Variants in MAP2K6 observed in about 807,000 individuals in gnomAD.
MAP2K6 encodes the protein dual specificity mitogen-activated protein kinase kinase 6.
In MAP2K6, 16 loss-of-function variants were observed where a neutral mutation model predicts 53.7. The observed-to-expected ratio is 0.30, with a 90% CI of 0.20 to 0.45. The LOEUF (loss-of-function observed/expected upper bound fraction) is 0.45. MAP2K6 is among the 20% of genes least tolerant of loss of function. MAP2K6 has a pLI of 1.00. For synonymous variants in MAP2K6, 132 were observed against 143.1 expected, an observed-to-expected ratio of 0.92 and a Z score of 0.55; for missense variants, 204 against 411.9, an observed-to-expected ratio of 0.50 and a Z score of 4.37.
intron 1 of MAP2K6, among the ~76,000 whole-genome samples, chr17:69,430,364 A>G (rs2145136442): frequency 6.6e-6 from 1 of 152,246 alleles, no homozygotes; most frequent in African/African-American, 2.4e-5. Flanking sequence ...AGAATAAAAT[A>G]GAGAAGCCAA....
intron 1 of MAP2K6, among the ~76,000 whole-genome samples, chr17:69,439,624 C>A (rs1282699555): frequency 3.9e-5 from 6 of 152,186 alleles, no homozygotes; most frequent in Non-Finnish European, 7.3e-5. Flanking sequence ...ATCAAAGGGA[C>A]TTTACTTCTC....
intron 1 of MAP2K6, among the ~76,000 whole-genome samples, chr17:69,474,512 C>T (rs956915180): frequency 1.3e-5 from 2 of 152,194 alleles, no homozygotes; most frequent in African/African-American, 4.8e-5. Flanking sequence ...AATGTAAGAG[C>T]CACACCCAAA....
intron 4 of MAP2K6, among the ~76,000 whole-genome samples, chr17:69,518,628 G>T (rs1436266673): frequency 6.6e-6 from 1 of 152,154 alleles, no homozygotes; most frequent in Non-Finnish European, 1.5e-5. Flanking sequence ...AGGTGACTTG[G>T]ATCCTTTTGC....
rs1456640606 is a variant in MAP2K6 at position 69,502,439 on chromosome 17, G to A, written c.17-3341G>A. On this transcript the variant is annotated intron_variant, in intron 1 of 11. Coordinates refer to ENST00000590474, the MANE Select transcript of MAP2K6 (RefSeq NM_002758.4). ...GCAAGTAAGCGAACTGCAGAGTGTT[G>A]CTGTGTGTGCTTGTGATTTGTATTT... 4.1e-6 allele frequency: 4 copies of A among 985,332 alleles called. No individual in the cohort carries two copies. In the African/African-American group the frequency reaches 7.0e-5, roughly 17 times the overall value. 61.0% of individuals were successfully genotyped at this position (985,332 alleles called of 1,614,324 possible).
At chr17:69,430,529 A>G (rs913508238) in intron 1 of MAP2K6, among the ~76,000 whole-genome samples, 28 of 152,336 alleles carry the variant, frequency 1.8e-4, no homozygotes, top group Admixed American at 1.6e-3. Flanking sequence ...TTGTTCATCT[A>G]GCTATTATGT....
chr17:69,530,764 G>C (rs1045680552), intron 10 of MAP2K6, among the ~76,000 whole-genome samples: 1 of 152,116 alleles, frequency 6.6e-6, no homozygotes, highest in Admixed American at 6.6e-5. Context: ...TAGAGTTTAT[G>C]ACTGGCCTAG....
rs1384299605 is a variant in MAP2K6, at chr17:69,494,339, A to T, written c.17-11441A>T. ...ACGGTAAAACCTCATCTCTACTAAA[A>T]ATACAAAAATTAGCTGGGCATGGTG... On this transcript the variant is annotated intron_variant, in intron 1 of 11. Coordinates refer to ENST00000590474, the MANE Select transcript of MAP2K6 (RefSeq NM_002758.4). This position sits in a 1 kb window ranked among gnomAD's most constrained non-coding sequence, Gnocchi z 4.2. 6.6e-6 allele frequency among the ~76,000 whole-genome samples: 1 copy of T among 152,068 alleles called. No homozygotes were observed. Among genetic ancestry groups the T allele is most frequent in the African/African-American group, 2.4e-5 (1 of 41,384 alleles).
intron 10 of MAP2K6, among the ~76,000 whole-genome samples, chr17:69,534,574 T>C (rs1300224127): frequency 6.6e-6 from 1 of 152,074 alleles, no homozygotes; most frequent in African/African-American, 2.4e-5. Flanking sequence ...TTTTTTTTTT[T>C]TTAATTTTAT....
rs972453529 is a variant in MAP2K6 at position 69,544,170 on chromosome 17, G to A, written c.*2417G>A. 1.3e-5 allele frequency: 2 copies of A among 152,126 alleles called. No individual in the cohort carries two copies. Among genetic ancestry groups the A allele is most frequent in the Admixed American group, 6.6e-5 (1 of 15,262 alleles). The allele number at this position is 152,126 out of a possible 1,614,324, so 9.4% of individuals were successfully genotyped here. A position where few individuals can be genotyped will look rare whatever the true frequency, so the allele number is the denominator to read the frequency against. ...CCATTGCAGAAAGTAACAAAAACAG[G>A]TCCTATTTCTTTCCCTGTCCTCATC... is the stretch of plus-strand genomic sequence containing the variant. On this transcript the variant is annotated 3_prime_UTR_variant, in exon 12 of 12. Coordinates refer to ENST00000590474, the MANE Select transcript of MAP2K6 (RefSeq NM_002758.4).
intron 1 of MAP2K6, among the ~76,000 whole-genome samples, chr17:69,467,907 A>G (rs375443767): frequency 9.2e-5 from 14 of 152,290 alleles, no homozygotes; most frequent in African/African-American, 3.1e-4. Flanking sequence ...CTGGGATTAC[A>G]GGCATGTGCC....
chr17:69,450,762 A>G (rs369041847), intron 1 of MAP2K6, among the ~76,000 whole-genome samples: 1 of 151,370 alleles, frequency 6.6e-6, no homozygotes, highest in Non-Finnish European at 1.5e-5. Context: ...TTTGCCAGTT[A>G]CTAAAAATAT....
intron 1 of MAP2K6, chr17:69,504,717 C>T (rs535499896): frequency 6.5e-6 from 1 of 154,444 alleles, no homozygotes; most frequent in African/African-American, 2.4e-5. Context: ...TGGCATTTCT[C>T]AGTCTGTTCT....
chr17:69,487,971 A>G (rs892295812), intron 1 of MAP2K6, among the ~76,000 whole-genome samples: 1 of 152,234 alleles, frequency 6.6e-6, no homozygotes, highest in Non-Finnish European at 1.5e-5. Context: ...CAGTTTGGGA[A>G]TTAAAGAGCT....
At chr17:69,491,720 G>T (rs1300004470) in intron 1 of MAP2K6, among the ~76,000 whole-genome samples, 1 of 97,588 alleles carries the variant, frequency 1.0e-5, no homozygotes, top group Non-Finnish European at 1.9e-5. Context: ...CTGCAACCTC[G>T]CTGGCATCTG....
chr17:69,517,268 T>C (rs1039508024), intron 3 of MAP2K6, among the ~76,000 whole-genome samples: 13 of 151,766 alleles, frequency 8.6e-5, no homozygotes, highest in African/African-American at 3.1e-4. Flanking sequence ...TGAGTCCAAG[T>C]TGGGTTTCTG....
chr17:69,504,716 TCA>T (rs1036399531), intron 1 of MAP2K6: 2 of 154,368 alleles, frequency 1.3e-5, no homozygotes, highest in African/African-American at 4.8e-5. Flanking sequence ...CTGGCATTTC[TCA>T]GTCTGTTCTT....
intron 1 of MAP2K6, among the ~76,000 whole-genome samples, chr17:69,505,178 A>G (rs1266879249): frequency 6.6e-6 from 1 of 151,984 alleles, no homozygotes; most frequent in Non-Finnish European, 1.5e-5. Flanking sequence ...ATGGTGGCTC[A>G]TGCCTGTAAT....
chr17:69,530,071 G>T (rs1428138965), intron 10 of MAP2K6, among the ~76,000 whole-genome samples: 3 of 152,128 alleles, frequency 2.0e-5, no homozygotes, highest in Admixed American at 2.0e-4. Flanking sequence ...AATACTGTTT[G>T]CTCGGTGTCA....
At chr17:69,449,585 CTTTCTT>C (rs1907128249) in intron 1 of MAP2K6, among the ~76,000 whole-genome samples, 1 of 93,510 alleles carries the variant, frequency 1.1e-5, no homozygotes, top group Non-Finnish European at 2.4e-5. Context: ...TTCTTTCTTT[CTTTCTT>C]TTTCTTTCTT....
Sources: allele counts gnomAD v4.1 joint callset (sites outside exome capture counted in the v4.1 genomes callset), GRCh38; gene constraint gnomAD v4.1.1; non-coding constraint Gnocchi (gnomAD v3.1); transcripts MANE v1.5; gene names NCBI Gene and HGNC (gene_info 2026-07-23, HGNC 2026-07-21).